CPPED1: variants seen among roughly 807,000 people sequenced by gnomAD.
CPPED1 encodes serine/threonine-protein phosphatase CPPED1.
In CPPED1, 28 loss-of-function variants were observed where a neutral mutation model predicts 28.0. The observed-to-expected ratio is 1.00, with a 90% CI of 0.74 to 1.37. The LOEUF is 1.37. Among genes scored for constraint, CPPED1 ranks in the 40% most tolerant of loss-of-function variants. The probability of loss-of-function intolerance (pLI) is 0.00; values close to 1 mark genes in which losing one functional copy is unlikely to be tolerated. For synonymous variants in CPPED1, 198 were observed against 180.2 expected, an observed-to-expected ratio of 1.10 and a Z score of -0.79; for missense variants, 504 against 416.5, an observed-to-expected ratio of 1.21 and a Z score of -1.83.
chr16:12,748,409 CAT>C (rs750919504), intron 2 of CPPED1, among the ~76,000 whole-genome samples: 5 of 152,280 alleles, frequency 3.3e-5, no homozygotes, highest in Non-Finnish European at 5.9e-5. Context: ...AGTTTAAAAA[CAT>C]GTGAAATAAG....
At chr16:12,788,779 A>G (rs1234392789) in intron 1 of CPPED1, among the ~76,000 whole-genome samples, 1 of 152,206 alleles carries the variant, frequency 6.6e-6, no homozygotes, top group African/African-American at 2.4e-5. Context: ...TCTTCTCTCC[A>G]AAAAGTTTCC....
intron 1 of CPPED1, among the ~76,000 whole-genome samples, chr16:12,783,317 G>A (rs2080543510): frequency 1.3e-5 from 2 of 152,070 alleles, no homozygotes; most frequent in East Asian, 1.9e-4. Flanking sequence ...GGCCAACATG[G>A]TGAAACCTCA....
Position 12,709,924 on chromosome 16 carries a change from GGGAAGGAAGGGAA to G in CPPED1, c.290-4888_290-4876del, listed in dbSNP as rs896095156. Among the ~76,000 whole-genome samples, 2 of 146,826 alleles carry G rather than the reference GGGAAGGAAGGGAA, an allele frequency of 1.4e-5. No homozygotes were observed. The highest frequency in any genetic ancestry group is 5.1e-5 in the African/African-American group (2 of 39,470). On this transcript the variant is annotated intron_variant, in intron 2 of 3. Transcript: ENST00000381774. This position sits in a 1 kb window ranked among gnomAD's most constrained non-coding sequence, Gnocchi z 4.4. ...AGACGGGGGGAAGGAAGGGAAGGAA[GGGAAGGAAGGGAA>G]GGAAGGGAGGAAGGAAAGAAGGGAA...
In CPPED1 at chr16:12,754,937, G is replaced by A. The variant is rs189968406; in HGVS notation, c.289+26248C>T. The stretch of plus-strand genomic sequence containing the variant: ...GAGGTGGGAGGATGGCTTGAGCACA[G>A]GAGTTAGAAGCTGTAGTGAGCCGTG... On this transcript the variant is annotated intron_variant, in intron 2 of 3. Transcript: ENST00000381774. Among the ~76,000 whole-genome samples the A allele has an allele frequency of 4.6e-4, 70 of 152,306 alleles. 1 individual carries two copies. In the Middle Eastern group the frequency reaches 0.014, roughly 30 times the overall value.
chr16:12,797,335 G>C (rs779970457), intron 1 of CPPED1, among the ~76,000 whole-genome samples: 15 of 152,132 alleles, frequency 9.9e-5, no homozygotes, highest in Non-Finnish European at 1.5e-4. Context: ...AGGATTGCTC[G>C]GGTCCAAGAG....
At chr16:12,756,982 G>A (rs970587210) in intron 2 of CPPED1, among the ~76,000 whole-genome samples, 5 of 152,104 alleles carry the variant, frequency 3.3e-5, no homozygotes, top group African/African-American at 7.2e-5. Flanking sequence ...GTGAAAAAAC[G>A]TTTATCTTCA....
chr16:12,662,325 A>G lies in CPPED1; in HGVS notation c.*2561T>C, dbSNP rs2141160995. 6.6e-6 allele frequency: 1 copy of G among 152,334 alleles called. No homozygotes were observed. The highest frequency in any genetic ancestry group is 2.4e-5 in the African/African-American group (1 of 41,560). 9.4% of individuals were successfully genotyped at this position (152,334 alleles called of 1,614,324 possible). A position where few individuals can be genotyped will look rare whatever the true frequency, so the allele number is the denominator to read the frequency against. On this transcript the variant is annotated 3_prime_UTR_variant, in exon 4 of 4. Coordinates refer to ENST00000381774, the MANE Select transcript of CPPED1 (RefSeq NM_018340.3). ...TCTTGCTGAACCTCTTGCCTCTGGGAAATACTGCTGTTTGCTTACTTAAAA... is the reference window on the plus strand; with the variant it reads ...TCTTGCTGAACCTCTTGCCTCTGGGGAATACTGCTGTTTGCTTACTTAAAA...
chr16:12,693,501 A>AC (rs1567277817), intron 3 of CPPED1, among the ~76,000 whole-genome samples: 4 of 149,388 alleles, frequency 2.7e-5, no homozygotes, highest in Non-Finnish European at 3.0e-5. Context: ...TGGCCATGCT[A>AC]TTTTTTTTTT....
chr16:12,770,546 G>T (rs941851927), intron 2 of CPPED1, among the ~76,000 whole-genome samples: 3 of 152,124 alleles, frequency 2.0e-5, no homozygotes, highest in African/African-American at 7.2e-5. Flanking sequence ...TGCTGACCAG[G>T]GCGTGGTGGC....
In CPPED1 at chr16:12,803,828, G is replaced by C; in HGVS notation, c.-52C>G. The stretch of plus-strand genomic sequence containing the variant: ...AGAACACTGCGTGGGTGGAAGCCGC[G>C]CGACTTCACACAGAACAACCGCTGG... On this transcript the variant is annotated 5_prime_UTR_variant, in exon 1 of 4. Coordinates refer to ENST00000381774, the MANE Select transcript of CPPED1 (RefSeq NM_018340.3). The C allele has an allele frequency of 2.6e-6, 4 of 1,525,742 alleles. No individual in the cohort carries two copies. Among genetic ancestry groups the C allele is most frequent in the Non-Finnish European group, 3.6e-6 (4 of 1,125,120 alleles). 94.5% of individuals were successfully genotyped at this position (1,525,742 alleles called of 1,614,324 possible).
intron 3 of CPPED1, among the ~76,000 whole-genome samples, chr16:12,703,237 G>C (rs2080029799): frequency 6.6e-6 from 1 of 152,102 alleles, no homozygotes; most frequent in Non-Finnish European, 1.5e-5. Flanking sequence ...TATCTCCATG[G>C]AACAGCTGGA....
chr16:12,669,244 G>C (rs1035371191), intron 3 of CPPED1, among the ~76,000 whole-genome samples: 4 of 152,136 alleles, frequency 2.6e-5, no homozygotes, highest in Non-Finnish European at 4.4e-5. Flanking sequence ...GCCCCATCTT[G>C]TATGCTTCCA....
intron 1 of CPPED1, among the ~76,000 whole-genome samples, chr16:12,794,434 G>A (rs2060359): frequency 0.25 from 37,622 of 148,390 alleles, 6,240 homozygotes; most frequent in African/African-American, 0.47. Context: ...AAAAAAAATA[G>A]TGTCCTTCAG....
intron 2 of CPPED1, among the ~76,000 whole-genome samples, chr16:12,744,423 A>G (rs2080273977): frequency 6.6e-6 from 1 of 152,148 alleles, no homozygotes; most frequent in South Asian, 2.1e-4. Flanking sequence ...AAGGAGGAGG[A>G]ACACACACTG....
chr16:12,755,154 C>A (rs1260541727), intron 2 of CPPED1, among the ~76,000 whole-genome samples: 2 of 152,118 alleles, frequency 1.3e-5, no homozygotes, highest in Admixed American at 6.5e-5. Flanking sequence ...GGGGTCAAAT[C>A]ATCTCTGATG....
chr16:12,785,491 A>G (rs1269945689), intron 1 of CPPED1, among the ~76,000 whole-genome samples: 1 of 149,226 alleles, frequency 6.7e-6, no homozygotes, highest in Admixed American at 6.8e-5. Flanking sequence ...GCAATGCTGC[A>G]ATCTCTGCTT....
intron 2 of CPPED1, among the ~76,000 whole-genome samples, chr16:12,740,397 A>G (rs995796110): frequency 6.7e-6 from 1 of 150,266 alleles, no homozygotes; most frequent in Non-Finnish European, 1.5e-5. Flanking sequence ...GTGAGCAGAG[A>G]TTGCACCACT....
intron 3 of CPPED1, among the ~76,000 whole-genome samples, chr16:12,667,768 G>T (rs1486636181): frequency 6.6e-6 from 1 of 152,148 alleles, no homozygotes; most frequent in African/African-American, 2.4e-5. Context: ...GATAGATTAA[G>T]ATCAGCAGAA....
intron 1 of CPPED1, among the ~76,000 whole-genome samples, chr16:12,784,503 A>G (rs1313812509): frequency 6.6e-6 from 1 of 152,086 alleles, no homozygotes; most frequent in Non-Finnish European, 1.5e-5. Flanking sequence ...TTAGGGATAA[A>G]TGGTCAAGAA....
Sources: allele counts gnomAD v4.1 joint callset (sites outside exome capture counted in the v4.1 genomes callset), GRCh38; gene constraint gnomAD v4.1.1; non-coding constraint Gnocchi (gnomAD v3.1); transcripts MANE v1.5; gene names NCBI Gene and HGNC (gene_info 2026-07-23, HGNC 2026-07-21).